ASB4: variants seen among roughly 807,000 people sequenced by gnomAD.
ASB4 encodes the protein ankyrin repeat and SOCS box protein 4.
Under a neutral mutation model 38.6 loss-of-function variants are expected in ASB4, and 35 were observed. The ratio of observed to expected loss-of-function variants is 0.91; its 90% CI spans 0.69 to 1.20. ASB4 has a LOEUF of 1.20. ASB4 is among the 50% of genes most tolerant of loss of function. The pLI, the probability that ASB4 is intolerant of heterozygous loss-of-function variation, is 0.00. For missense variants in ASB4, 557 were observed against 527.2 expected, an observed-to-expected ratio of 1.06 and a Z score of -0.55; for synonymous variants, 195 against 201.3, an observed-to-expected ratio of 0.97 and a Z score of 0.26.
At chr7:95,513,274 T>TTTTTTTTTAA (rs1790509892) in intron 2 of ASB4, among the ~76,000 whole-genome samples, 3 of 85,356 alleles carry the variant, frequency 3.5e-5, no homozygotes, top group Admixed American at 1.2e-4. Context: ...TTTTTTTTTT[T>TTTTTTTTTAA]AGAAATCGAG....
At chr7:95,498,411 C>T (rs1790282729) in intron 2 of ASB4, among the ~76,000 whole-genome samples, 1 of 152,138 alleles carries the variant, frequency 6.6e-6, no homozygotes, top group Non-Finnish European at 1.5e-5. Context: ...GTAATGGTAT[C>T]TCATTGTTTT....
chr7:95,500,096 G>T (rs1292795910), intron 2 of ASB4, among the ~76,000 whole-genome samples: 2 of 151,942 alleles, frequency 1.3e-5, no homozygotes, highest in African/African-American at 4.8e-5. Flanking sequence ...CTACGATGAG[G>T]GAGTTCGGAT....
chr7:95,505,388 A>G (rs141254016), intron 2 of ASB4, among the ~76,000 whole-genome samples: 1 of 152,304 alleles, frequency 6.6e-6, no homozygotes, highest in African/African-American at 2.4e-5. Flanking sequence ...GGGCCTAGAA[A>G]ATATATTTAG....
At chr7:95,518,317 G>T (rs1471425592) in intron 2 of ASB4, among the ~76,000 whole-genome samples, 2 of 152,256 alleles carry the variant, frequency 1.3e-5, no homozygotes, top group Non-Finnish European at 2.9e-5. Flanking sequence ...AAAAGTCCAT[G>T]AGGAATTTTT....
chr7:95,526,605 A>G (rs1298404002), intron 2 of ASB4, among the ~76,000 whole-genome samples: 2 of 152,160 alleles, frequency 1.3e-5, no homozygotes, highest in African/African-American at 4.8e-5. Context: ...TCTGAGTACA[A>G]ATTTCTTCAT....
intron 2 of ASB4, among the ~76,000 whole-genome samples, chr7:95,498,278 G>A (rs535871978): frequency 1.9e-4 from 29 of 152,140 alleles, no homozygotes; most frequent in African/African-American, 6.3e-4. Flanking sequence ...TGAGTTCAGC[G>A]TGGGCAACAT....
At chr7:95,510,230 C>T (rs1200188999) in intron 2 of ASB4, among the ~76,000 whole-genome samples, 1 of 152,114 alleles carries the variant, frequency 6.6e-6, no homozygotes. Flanking sequence ...TCAAGGCAAT[C>T]GTTTATCCCC....
chr7:95,519,979 A>G (rs1585813219), intron 2 of ASB4, among the ~76,000 whole-genome samples: 1 of 152,222 alleles, frequency 6.6e-6, no homozygotes, highest in African/African-American at 2.4e-5. Context: ...ACAGAGTAGA[A>G]TAAAAAAAAT....
the ASB4 span, chr7:95,471,711 G>C: frequency 6.6e-6 from 1 of 151,866 alleles, no homozygotes; most frequent in Non-Finnish European, 1.5e-5. Flanking sequence ...GACTTTAGAG[G>C]ACAGCAGTGG....
At chr7:95,533,272 A>T (rs1046666789) in intron 3 of ASB4, among the ~76,000 whole-genome samples, 2 of 152,188 alleles carry the variant, frequency 1.3e-5, no homozygotes, top group Non-Finnish European at 1.5e-5. Flanking sequence ...AATCTATTTT[A>T]TCAGTAGTAA....
chr7:95,481,283 G>T (rs1250061605), upstream of ASB4, among the ~76,000 whole-genome samples: 1 of 152,068 alleles, frequency 6.6e-6, no homozygotes, highest in East Asian at 1.9e-4. Context: ...TTCAGTTCCA[G>T]TTGCTGGTGT....
At chr7:95,472,807 T>C in the ASB4 span, among the ~76,000 whole-genome samples, 1 of 152,200 alleles carries the variant, frequency 6.6e-6, no homozygotes, top group Non-Finnish European at 1.5e-5. Context: ...CACAGGTCTA[T>C]GTATAACATT....
chr7:95,505,522 C>T (rs1790395126), intron 2 of ASB4, among the ~76,000 whole-genome samples: 1 of 152,108 alleles, frequency 6.6e-6, no homozygotes, highest in African/African-American at 2.4e-5. Flanking sequence ...CTTTTACTTC[C>T]TTGAGCTGAT....
At chr7:95,526,326 G>A (rs866824038) in intron 2 of ASB4, among the ~76,000 whole-genome samples, 3 of 152,142 alleles carry the variant, frequency 2.0e-5, no homozygotes, top group African/African-American at 7.2e-5. Context: ...TGTTCTGTGC[G>A]CACAATGACC....
intron 3 of ASB4, among the ~76,000 whole-genome samples, chr7:95,529,309 A>C (rs1790788157): frequency 6.6e-6 from 1 of 152,232 alleles, no homozygotes; most frequent in Non-Finnish European, 1.5e-5. Flanking sequence ...AATTTAATTA[A>C]CAACAAGAAG....
intron 2 of ASB4, among the ~76,000 whole-genome samples, chr7:95,498,738 T>A (rs1396300680): frequency 6.6e-6 from 1 of 152,154 alleles, no homozygotes; most frequent in Non-Finnish European, 1.5e-5. Context: ...TAGCAAAAAA[T>A]TTGTTTCATA....
intron 2 of ASB4, among the ~76,000 whole-genome samples, chr7:95,506,243 A>G (rs117099717): frequency 0.013 from 1,990 of 152,264 alleles, 55 homozygotes; most frequent in Admixed American, 0.055. Context: ...CTCAGTGGGT[A>G]TTTTATCAAT....
At chr7:95,550,009 T>G in the ASB4 span, among the ~76,000 whole-genome samples, 1 of 152,156 alleles carries the variant, frequency 6.6e-6, no homozygotes, top group African/African-American at 2.4e-5. Context: ...GCAAAACAGG[T>G]GCAAGTTTCC....
upstream of ASB4, among the ~76,000 whole-genome samples, chr7:95,482,737 C>T (rs922906057): frequency 6.6e-6 from 1 of 152,178 alleles, no homozygotes; most frequent in African/African-American, 2.4e-5. Context: ...AATTGTCCAA[C>T]TGGACCCTTG....
Sources: gnomAD v4.1 joint callset for allele counts (sites outside exome capture counted in the v4.1 genomes callset) on GRCh38, gnomAD v4.1.1 for gene constraint, MANE v1.5 for transcripts, NCBI Gene and HGNC (gene_info 2026-07-23, HGNC 2026-07-21) for gene names.